Variants in GMEB2 observed in about 807,000 individuals in gnomAD.
The protein encoded by GMEB2 is glucocorticoid modulatory element-binding protein 2.
Under a neutral mutation model 45.7 loss-of-function variants are expected in GMEB2, and 7 were observed. The observed-to-expected ratio is 0.15, with a 90% confidence interval of 0.09 to 0.29. The LOEUF is 0.29. Ranked by LOEUF, GMEB2 falls within the 10% of genes least tolerant of loss-of-function variation. GMEB2 has a pLI of 1.00. For missense variants in GMEB2, 582 were observed against 739.2 expected (o/e 0.79, Z 2.47); for synonymous variants, 322 against 323.6 (o/e 1.00, Z 0.05).
At chr20:63,611,736 G>A (rs974825700) in intron 2 of GMEB2, among the ~76,000 whole-genome samples, 16 of 152,076 alleles carry the variant, frequency 1.1e-4, no homozygotes, top group Admixed American at 7.2e-4. Flanking sequence ...GTTTTGCATC[G>A]GCCAGACATG....
chr20:63,614,922 A>T (rs1282726079), intron 2 of GMEB2, among the ~76,000 whole-genome samples: 1 of 151,966 alleles, frequency 6.6e-6, no homozygotes, highest in East Asian at 1.9e-4. Context: ...TCCAATAAAT[A>T]GCGCAACCTG....
At chr20:63,600,562 AC>A (rs2083234571) in intron 4 of GMEB2, among the ~76,000 whole-genome samples, 1 of 151,548 alleles carries the variant, frequency 6.6e-6, no homozygotes, top group Admixed American at 6.6e-5. Context: ...TACTAAAAAT[AC>A]AAAAATCAGC....
In GMEB2 at chr20:63,619,826, C is replaced by T; in HGVS notation, c.-57-372G>A. 6.5e-6 allele frequency: 1 copy of T among 154,562 alleles called. No homozygotes were observed. Among genetic ancestry groups the T allele is most frequent in the Non-Finnish European group, 1.4e-5 (1 of 69,558 alleles). 9.6% of individuals were successfully genotyped at this position (154,562 alleles called of 1,614,324 possible). A position where few individuals can be genotyped will look rare whatever the true frequency, so the allele number is the denominator to read the frequency against. On this transcript the variant is annotated intron_variant, in intron 1 of 9. Coordinates refer to ENST00000370077, the MANE Select transcript of GMEB2 (RefSeq NM_012384.5). The surrounding 1 kb of genome is among the most constrained non-coding windows in gnomAD (Gnocchi z 4.6). ...CCTGGCCTGAACTCAAAGCCAGCCC[C>T]AATCCCTGAACTGAGTTTCAGGTGC...
chr20:63,613,433 G>A (rs777589418), intron 2 of GMEB2, among the ~76,000 whole-genome samples: 2 of 152,196 alleles, frequency 1.3e-5, no homozygotes, highest in African/African-American at 2.4e-5. Context: ...GCCACCAGCC[G>A]GCAAGACACC....
intron 1 of GMEB2, among the ~76,000 whole-genome samples, chr20:63,621,346 G>A (rs2089641243): frequency 6.6e-6 from 1 of 152,202 alleles, no homozygotes; most frequent in Admixed American, 6.5e-5. Context: ...CAATCACTGT[G>A]GCTGTTCTGA....
chr20:63,594,520 G>A (rs1417571356), intron 6 of GMEB2, among the ~76,000 whole-genome samples: 2 of 152,280 alleles, frequency 1.3e-5, no homozygotes, highest in East Asian at 3.9e-4. Context: ...AGAAGGGTGA[G>A]GCCTCCCTAG....
At chr20:63,602,358 C>A (rs1049920357) in intron 4 of GMEB2, among the ~76,000 whole-genome samples, 3 of 152,178 alleles carry the variant, frequency 2.0e-5, no homozygotes, top group Non-Finnish European at 4.4e-5. Context: ...AGTCACCACC[C>A]AGCACGCACA....
chr20:63,609,417 C>T lies in GMEB2; in HGVS notation c.132-4577G>A, dbSNP rs1304920768. 8.5e-5 allele frequency among the ~76,000 whole-genome samples: 11 copies of T among 129,278 alleles called. No homozygotes were observed. The East Asian group carries it at 8.9e-4, about 10-fold the overall frequency. The allele number at this position is 129,278 out of a possible 152,430, so 84.8% of individuals were successfully genotyped here. ...TTTCTAGAAACATGCCCCTCTGACC[C>T]CACCTCCATTTCTAGAAACATGCCC... On this transcript the variant is annotated intron_variant, in intron 2 of 9. Coordinates refer to ENST00000370077, the MANE Select transcript of GMEB2 (RefSeq NM_012384.5).
chr20:63,601,750 T>C (rs1429115338), intron 4 of GMEB2, among the ~76,000 whole-genome samples: 2 of 152,272 alleles, frequency 1.3e-5, no homozygotes, highest in Non-Finnish European at 2.9e-5. Context: ...CAGCCGAGGC[T>C]GCTGCAGGGC....
At position 63,590,319 on chromosome 20, in the gene GMEB2, T is replaced by G; in HGVS notation, c.1363A>C (p.Thr455Pro). 6.2e-7 allele frequency: 1 copy of G among 1,612,428 alleles called. No individual in the cohort carries two copies. The highest frequency in any genetic ancestry group is 1.1e-5 in the South Asian group (1 of 91,060). ...TGCACGGCGGCCGTGCTCAGGACCG[T>G]GAGGCTGGACGCGTCCGGGTGGATC... ...VEIHPDASSL[T>P]VLSTAAVQDG... The change falls in exon 10 of 10, where the codon ACG becomes CCG. Residue 455 changes from threonine (T) to proline (P), a missense_variant. Physicochemically the swap from Thr to Pro is conservative, Grantham distance 38. This residue lies in a region of GMEB2 where 462 missense variants were observed against 586.7 expected (regional missense o/e 0.79). Coordinates refer to ENST00000370077, the MANE Select transcript of GMEB2 (RefSeq NM_012384.5).
chr20:63,614,126 G>A (rs576971793), intron 2 of GMEB2, among the ~76,000 whole-genome samples: 13 of 152,166 alleles, frequency 8.5e-5, no homozygotes, highest in African/African-American at 3.1e-4. Flanking sequence ...AGCTGTTCCG[G>A]TGTAATAAAA....
rs922655073 is a variant in GMEB2, at chr20:63,590,504, A to G, written c.1178T>C (p.Leu393Pro). ...CACTTTACCAAGGGGCACGCTGGTC[A>G]GCTGGGGGACGGGCACGCCCGGGCC... ...ALGPGVPVPQ[L>P]TSVPLGKVVS... The change falls in exon 10 of 10, where the codon CTG (leucine) becomes CCG (proline). Residue 393 changes from leucine (L) to proline (P), a missense_variant. This residue lies in a region of GMEB2 where 462 missense variants were observed against 586.7 expected (regional missense o/e 0.79). Transcript: ENST00000370077. The G allele has an allele frequency of 2.0e-6, 3 of 1,506,480 alleles. No individual in the cohort carries two copies. The highest frequency in any genetic ancestry group is 2.7e-6 in the Non-Finnish European group (3 of 1,122,472). The allele number at this position is 1,506,480 out of a possible 1,614,324, so 93.3% of individuals were successfully genotyped here.
intron 2 of GMEB2, among the ~76,000 whole-genome samples, chr20:63,618,704 G>C (rs1032332839): frequency 1.3e-4 from 20 of 152,138 alleles, no homozygotes; most frequent in Admixed American, 1.3e-3. Context: ...GGCAGCCTGG[G>C]ACTGCCCGGG....
At chr20:63,620,441 A>G (rs1472162917) in intron 1 of GMEB2, among the ~76,000 whole-genome samples, 1 of 152,212 alleles carries the variant, frequency 6.6e-6, no homozygotes, top group African/African-American at 2.4e-5. Flanking sequence ...GCCAGAGGGC[A>G]ACGAGCCTGG....
intron 2 of GMEB2, among the ~76,000 whole-genome samples, chr20:63,608,655 CT>C (rs1414780864): frequency 1.8e-5 from 1 of 56,952 alleles, no homozygotes; most frequent in Non-Finnish European, 4.4e-5. Flanking sequence ...AAACATGCCC[CT>C]GTGACCCCAC....
chr20:63,625,603 C>CT (rs999133861), intron 1 of GMEB2, among the ~76,000 whole-genome samples: 135 of 143,650 alleles, frequency 9.4e-4, no homozygotes, highest in African/African-American at 1.3e-3. Flanking sequence ...TTTTATTTTA[C>CT]TTTTTTTTTT....
At chr20:63,605,487 C>A (rs569237812) in intron 2 of GMEB2, among the ~76,000 whole-genome samples, 2 of 150,098 alleles carry the variant, frequency 1.3e-5, no homozygotes, top group African/African-American at 4.9e-5. Context: ...TGTGTCACCG[C>A]ACTCCAGCCT....
intron 1 of GMEB2, among the ~76,000 whole-genome samples, chr20:63,626,176 C>A (rs2089670094): frequency 6.6e-6 from 1 of 152,260 alleles, no homozygotes; most frequent in Non-Finnish European, 1.5e-5. Context: ...GACGCGGGCC[C>A]CTGTGGGGTG....
chr20:63,602,872 G>T, intron 4 of GMEB2, 93 bp downstream of exon 4: 1 of 1,152,688 alleles, frequency 8.7e-7, no homozygotes, highest in Non-Finnish European at 1.3e-6. Context: ...TGGAGACCCT[G>T]CCTCAGGATG....
Sources: gnomAD v4.1 joint callset for allele counts (sites outside exome capture counted in the v4.1 genomes callset) on GRCh38, gnomAD v4.1.1 for gene constraint, gnomAD v4.1.1 regional missense constraint, Gnocchi (gnomAD v3.1) non-coding constraint, MANE v1.5 for transcripts, NCBI Gene and HGNC (gene_info 2026-07-23, HGNC 2026-07-21) for gene names.